BFAR: variants seen among roughly 807,000 people sequenced by gnomAD.
BFAR encodes bifunctional apoptosis regulator, also known as RING finger protein 47.
In BFAR, 52 loss-of-function variants were observed where a neutral mutation model predicts 54.4. The observed-to-expected ratio is 0.96, with a 90% confidence interval of 0.77 to 1.21. The LOEUF (loss-of-function observed/expected upper bound fraction) is 1.21. BFAR is among the 50% of genes most tolerant of loss of function. The pLI is 0.00. For synonymous variants in BFAR, 215 were observed against 204.3 expected, an observed-to-expected ratio of 1.05 and a Z score of -0.45; for missense variants, 571 against 534.0, an observed-to-expected ratio of 1.07 and a Z score of -0.68.
chr16:14,639,059 A>G (rs1959542032), intron 1 of BFAR, among the ~76,000 whole-genome samples: 1 of 152,214 alleles, frequency 6.6e-6, no homozygotes, highest in African/African-American at 2.4e-5. Context: ...TTGGACAGCT[A>G]AAGAAGCAAA....
chr16:14,633,706 G>T (rs1397679670), intron 1 of BFAR, among the ~76,000 whole-genome samples: 2 of 152,198 alleles, frequency 1.3e-5, no homozygotes, highest in South Asian at 4.1e-4. Flanking sequence ...AGGCTGGAGT[G>T]CGGTGGAGCA....
At position 14,648,508 on chromosome 16, in the gene BFAR, T is replaced by G; in HGVS notation, c.384T>G (p.Pro128=). The G allele has an allele frequency of 6.2e-7, 1 of 1,613,950 alleles. No homozygotes were observed. Among genetic ancestry groups the G allele is most frequent in the African/African-American group, 1.3e-5 (1 of 75,034 alleles). ...AGAAATATGGGAATGATCAGATTCC[T>G]TTAGCTCCTAACACAGGCCGAGCGA... ...AFQKYGNDQI[P]LAPNTGRANQ... The change falls in exon 3 of 8, where the codon CCT becomes CCG. Residue 128 remains proline (P), a synonymous_variant. Coordinates refer to ENST00000261658, the MANE Select transcript of BFAR (RefSeq NM_016561.3).
At chr16:14,645,855 AC>A (rs773721209) in intron 2 of BFAR, among the ~76,000 whole-genome samples, 60 of 152,200 alleles carry the variant, frequency 3.9e-4, no homozygotes, top group Non-Finnish European at 8.1e-4. Flanking sequence ...ACACATACAC[AC>A]ACATACATAC....
At chr16:14,641,823 T>C (rs1210961845) in intron 1 of BFAR, among the ~76,000 whole-genome samples, 1 of 150,386 alleles carries the variant, frequency 6.6e-6, no homozygotes, top group Admixed American at 6.6e-5. Flanking sequence ...GGTTGTGCTA[T>C]TGCACTCCAG....
chr16:14,652,740 G>C (rs1054921237), intron 4 of BFAR, among the ~76,000 whole-genome samples: 2 of 151,822 alleles, frequency 1.3e-5, no homozygotes, highest in African/African-American at 4.8e-5. Flanking sequence ...AATTTAAACT[G>C]AAAATATGAT....
At chr16:14,660,568 A>G (rs1596991167) in intron 5 of BFAR, among the ~76,000 whole-genome samples, 1 of 133,964 alleles carries the variant, frequency 7.5e-6, no homozygotes, top group Non-Finnish European at 1.6e-5. Flanking sequence ...TACAGGTGTG[A>G]GCCACCGCAC....
chr16:14,654,621 C>A (rs1272480365), intron 4 of BFAR, among the ~76,000 whole-genome samples: 2 of 151,028 alleles, frequency 1.3e-5, no homozygotes, highest in Non-Finnish European at 2.9e-5. Context: ...AATTCTCATG[C>A]CTCAGCCTCC....
At chr16:14,660,168 A>G (rs1442021543) in intron 5 of BFAR, among the ~76,000 whole-genome samples, 1 of 151,524 alleles carries the variant, frequency 6.6e-6, no homozygotes, top group Non-Finnish European at 1.5e-5. Context: ...TCCACTGGAC[A>G]CTGGGGATTT....
At chr16:14,642,791 C>G (rs1377869782) in intron 1 of BFAR, among the ~76,000 whole-genome samples, 19 of 152,196 alleles carry the variant, frequency 1.2e-4, no homozygotes, top group Admixed American at 1.2e-3. Context: ...GTGTTATTTA[C>G]AGGAAGCATA....
intron 2 of BFAR, 49 bp from the exon 3 acceptor site, chr16:14,648,336 CATG>C: frequency 6.8e-7 from 1 of 1,463,930 alleles, no homozygotes; most frequent in Non-Finnish European, 9.5e-7. Context: ...GGCCTCTAAA[CATG>C]ATATTTAGTC....
At chr16:14,665,673 C>A (rs1161751156) in intron 7 of BFAR, among the ~76,000 whole-genome samples, 2 of 152,166 alleles carry the variant, frequency 1.3e-5, no homozygotes, top group African/African-American at 2.4e-5. Context: ...AAGGCTGTTT[C>A]ACCAAAGGGC....
chr16:14,646,759 A>G (rs551314357), intron 2 of BFAR, among the ~76,000 whole-genome samples: 3 of 152,090 alleles, frequency 2.0e-5, no homozygotes, highest in South Asian at 2.1e-4. Context: ...CAGCCTCCCA[A>G]AGTGCTGGGA....
intron 2 of BFAR, among the ~76,000 whole-genome samples, chr16:14,644,923 C>T (rs1959746235): frequency 6.6e-6 from 1 of 152,160 alleles, no homozygotes; most frequent in East Asian, 1.9e-4. Context: ...ACTGGAAATC[C>T]AGATTCTCTT....
intron 2 of BFAR, among the ~76,000 whole-genome samples, chr16:14,647,304 G>C (rs923604647): frequency 2.0e-5 from 3 of 151,224 alleles, no homozygotes; most frequent in Non-Finnish European, 4.4e-5. Context: ...AGGCTGGTCT[G>C]GAACTCCTGA....
rs1291817558 is a variant in BFAR at position 14,667,983 on chromosome 16, C to T, written c.*156C>T. On this transcript the variant is annotated 3_prime_UTR_variant, in exon 8 of 8. Transcript: ENST00000261658. ...AAAGCTCCAACCATGTCCTCTCCCC[C>T]TCAGCCTGTGGGTGGCACGAGCAAG... The T allele has an allele frequency of 1.1e-5, 8 of 761,554 alleles. No individual in the cohort carries two copies. Among genetic ancestry groups the T allele is most frequent in the Non-Finnish European group, 1.7e-5 (8 of 479,696 alleles). 47.2% of individuals were successfully genotyped at this position (761,554 alleles called of 1,614,324 possible).
intron 4 of BFAR, 22 bp from the exon 5 acceptor site, chr16:14,655,044 A>G (rs2151841391): frequency 6.3e-7 from 1 of 1,581,062 alleles, no homozygotes; most frequent in Non-Finnish European, 8.6e-7. Flanking sequence ...CGCAAAATAA[A>G]TCTCCTCCTG....
intron 1 of BFAR, among the ~76,000 whole-genome samples, chr16:14,636,618 C>G (rs1007492301): frequency 6.6e-6 from 1 of 152,206 alleles, no homozygotes; most frequent in Admixed American, 6.5e-5. Flanking sequence ...AGACAGATGC[C>G]TTCCTCTTGG....
intron 6 of BFAR, among the ~76,000 whole-genome samples, chr16:14,663,416 C>T (rs1474855243): frequency 6.6e-6 from 1 of 152,100 alleles, no homozygotes; most frequent in Non-Finnish European, 1.5e-5. Context: ...ACTGCAACCT[C>T]CATCTCCCGG....
chr16:14,660,879 C>T (rs993398502), intron 5 of BFAR, among the ~76,000 whole-genome samples: 47 of 151,732 alleles, frequency 3.1e-4, no homozygotes, highest in Admixed American at 2.9e-3. Context: ...CCAGCCTGGG[C>T]GACAGAGCAA....
Sources: gnomAD v4.1 joint callset for allele counts (sites outside exome capture counted in the v4.1 genomes callset) on GRCh38, gnomAD v4.1.1 for gene constraint, MANE v1.5 for transcripts, NCBI Gene and HGNC (gene_info 2026-07-23, HGNC 2026-07-21) for gene names.